The following GAB2 variants were observed in gnomAD, a reference collection of about 807,000 sequenced individuals.
GAB2 encodes the protein GRB2 associated binding protein 2, also known as GRB2-associated-binding protein 2.
In GAB2, 26 loss-of-function variants were observed where a neutral mutation model predicts 65.5. The ratio of observed to expected loss-of-function variants is 0.40; its 90% confidence interval spans 0.29 to 0.55. The LOEUF (loss-of-function observed/expected upper bound fraction) is 0.55. Ranked by LOEUF, GAB2 falls within the 20% of genes least tolerant of loss-of-function variation. The pLI is 0.53. For synonymous variants in GAB2, 321 were observed against 329.6 expected (o/e 0.97, Z 0.28); for missense variants, 884 against 875.8 (o/e 1.01, Z -0.12).
At chr11:78,274,216 C>G (rs1231554280) in intron 2 of GAB2, among the ~76,000 whole-genome samples, 1 of 152,084 alleles carries the variant, frequency 6.6e-6, no homozygotes, top group Non-Finnish European at 1.5e-5. Context: ...CATGATTGTG[C>G]CACTGCACTC....
chr11:78,311,198 G>GT (rs1170132619), intron 1 of GAB2, among the ~76,000 whole-genome samples: 1 of 152,090 alleles, frequency 6.6e-6, no homozygotes, highest in African/African-American at 2.4e-5. Context: ...ATGAAAGTAA[G>GT]TTTTTTCTTC....
chr11:78,334,066 A>G (rs1460015601), intron 1 of GAB2, among the ~76,000 whole-genome samples: 2 of 152,150 alleles, frequency 1.3e-5, no homozygotes, highest in Non-Finnish European at 2.9e-5. Context: ...TATTTTCTAC[A>G]ACAGAAGGGA....
intron 1 of GAB2, among the ~76,000 whole-genome samples, chr11:78,403,958 G>A (rs1236488764): frequency 6.6e-6 from 1 of 152,066 alleles, no homozygotes; most frequent in Non-Finnish European, 1.5e-5. Flanking sequence ...AGTGATAACA[G>A]ACGCTGGGAA....
At chr11:78,305,671 C>T (rs1225710005) in intron 1 of GAB2, among the ~76,000 whole-genome samples, 2 of 152,146 alleles carry the variant, frequency 1.3e-5, no homozygotes, top group Admixed American at 1.3e-4. Flanking sequence ...CTTTTCTTTG[C>T]CTGTGCCTGA....
chr11:78,221,870 C>G (rs1864444538), intron 7 of GAB2, 91 bp from the exon 8 acceptor site: 1 of 818,508 alleles, frequency 1.2e-6, no homozygotes, highest in African/African-American at 1.7e-5. Context: ...CTCACACACC[C>G]AGACCTCAGC....
intron 1 of GAB2, among the ~76,000 whole-genome samples, chr11:78,318,436 G>C (rs1277976632): frequency 7.0e-6 from 1 of 143,692 alleles, no homozygotes; most frequent in Admixed American, 7.4e-5. Context: ...GCGGACCACT[G>C]ACAGTTTTAA....
rs529464428 is a variant in GAB2, at chr11:78,277,990, C to T, written c.376+2611G>A. On this transcript the variant is annotated intron_variant, in intron 2 of 9. Coordinates refer to ENST00000361507, the MANE Select transcript of GAB2 (RefSeq NM_080491.3). ...AGGCAAGAATTGAGGTTGCTGCAGA[C>T]CCAGATAGATTTGCCACTGCTAACA... Among the ~76,000 whole-genome samples, 18 of 152,236 alleles carry T rather than the reference C, an allele frequency of 1.2e-4. No homozygotes were observed. The South Asian group carries it at 3.7e-3, about 32-fold the overall frequency.
intron 1 of GAB2, among the ~76,000 whole-genome samples, chr11:78,358,149 C>T (rs1437044398): frequency 6.6e-6 from 1 of 151,942 alleles, no homozygotes; most frequent in Non-Finnish European, 1.5e-5. Flanking sequence ...TTTGTAGGGA[C>T]ATGGATGAAG....
At chr11:78,357,094 A>C (rs936009833) in intron 1 of GAB2, among the ~76,000 whole-genome samples, 18 of 152,196 alleles carry the variant, frequency 1.2e-4, no homozygotes, top group Admixed American at 9.2e-4. Flanking sequence ...ATGGTCATGC[A>C]ACAATGTGAA....
intron 1 of GAB2, among the ~76,000 whole-genome samples, chr11:78,379,430 G>A (rs1340041211): frequency 6.6e-6 from 1 of 152,180 alleles, no homozygotes; most frequent in Non-Finnish European, 1.5e-5. Flanking sequence ...CTTAGTAAGT[G>A]TAAATTCAAA....
chr11:78,254,360 T>A (rs1249587550), intron 2 of GAB2, among the ~76,000 whole-genome samples: 2 of 152,224 alleles, frequency 1.3e-5, no homozygotes, highest in Non-Finnish European at 2.9e-5. Context: ...TGTGTGTTTC[T>A]TGTGGTCAAA....
At chr11:78,310,212 A>C (rs1855467137) in intron 1 of GAB2, among the ~76,000 whole-genome samples, 1 of 151,796 alleles carries the variant, frequency 6.6e-6, no homozygotes, top group Non-Finnish European at 1.5e-5. Flanking sequence ...AAGTACAAAA[A>C]CCAAAATGAG....
At chr11:78,375,027 T>C (rs936247871) in intron 1 of GAB2, among the ~76,000 whole-genome samples, 5 of 152,204 alleles carry the variant, frequency 3.3e-5, no homozygotes, top group African/African-American at 1.2e-4. Flanking sequence ...TTTGCAATCT[T>C]TGTATATTTC....
chr11:78,290,537 C>T (rs1866634434), intron 1 of GAB2, among the ~76,000 whole-genome samples: 1 of 152,160 alleles, frequency 6.6e-6, no homozygotes, highest in South Asian at 2.1e-4. Context: ...CTATAACTTC[C>T]TCTTATTGCT....
intron 8 of GAB2, among the ~76,000 whole-genome samples, chr11:78,221,472 T>A (rs1287593198): frequency 6.6e-6 from 1 of 152,138 alleles, no homozygotes; most frequent in Non-Finnish European, 1.5e-5. Flanking sequence ...TTGGGACAGG[T>A]CTCATGTCTT....
intron 1 of GAB2, among the ~76,000 whole-genome samples, chr11:78,340,323 G>A (rs1005579326): frequency 2.0e-5 from 3 of 152,162 alleles, no homozygotes; most frequent in African/African-American, 7.2e-5. Context: ...TGGCAAGACA[G>A]TCTTTCTCTT....
intron 1 of GAB2, among the ~76,000 whole-genome samples, chr11:78,415,452 T>C (rs1857183584): frequency 1.3e-5 from 2 of 152,054 alleles, no homozygotes; most frequent in Admixed American, 6.5e-5. Context: ...GATGCAAAAA[T>C]TCTGAATACC....
At chr11:78,307,115 G>GCA (rs1430448650) in intron 1 of GAB2, among the ~76,000 whole-genome samples, 1 of 152,112 alleles carries the variant, frequency 6.6e-6, no homozygotes, top group Non-Finnish European at 1.5e-5. Context: ...GTTAGATACA[G>GCA]CACCCTTATG....
chr11:78,342,443 T>C (rs771993702), intron 1 of GAB2, among the ~76,000 whole-genome samples: 3 of 144,030 alleles, frequency 2.1e-5, no homozygotes, highest in Non-Finnish European at 3.0e-5. Context: ...GGAGTCTCGC[T>C]TTGTCGCCCA....
Sources: allele counts gnomAD v4.1 joint callset (sites outside exome capture counted in the v4.1 genomes callset), GRCh38; gene constraint gnomAD v4.1.1; transcripts MANE v1.5; gene names NCBI Gene and HGNC (gene_info 2026-07-23, HGNC 2026-07-21).